The following VWDE variants were observed in gnomAD, a reference collection of about 807,000 sequenced individuals.
The protein encoded by VWDE is von Willebrand factor D and EGF domain-containing protein.
Under a neutral mutation model 178.4 loss-of-function variants are expected in VWDE, and 207 were observed. That is an observed-to-expected ratio of 1.16 (90% CI 1.04 to 1.30). VWDE has a LOEUF of 1.30. VWDE is among the 50% of genes most tolerant of loss of function. The probability of loss-of-function intolerance (pLI) is 0.00; values close to 1 mark genes in which losing one functional copy is unlikely to be tolerated. For synonymous variants in VWDE, 738 were observed against 651.4 expected (o/e 1.13, Z -2.02); for missense variants, 2,287 against 1,901.3 (o/e 1.20, Z -3.77).
At chr7:12,359,493 A>T in intron 16 of VWDE, 85 bp downstream of exon 16, 2 of 874,512 alleles carry the variant, frequency 2.3e-6, no homozygotes, top group Non-Finnish European at 3.6e-6. Context: ...CATTCATCTT[A>T]AACACATTTA....
chr7:12,340,463 T>TA, intron 23 of VWDE, 46 bp from the exon 24 acceptor site: 1 of 1,431,292 alleles, frequency 7.0e-7, no homozygotes, highest in South Asian at 1.3e-5. Flanking sequence ...TTTTATTATT[T>TA]AAAAAATGAA....
intron 17 of VWDE, among the ~76,000 whole-genome samples, chr7:12,356,691 G>C (rs976850180): frequency 6.6e-6 from 1 of 152,130 alleles, no homozygotes; most frequent in Admixed American, 6.5e-5. Context: ...ATGATCTCCC[G>C]AATTACTGGG....
intron 10 of VWDE, among the ~76,000 whole-genome samples, chr7:12,371,254 T>C (rs931283828): frequency 6.6e-6 from 1 of 152,202 alleles, no homozygotes; most frequent in East Asian, 1.9e-4. Context: ...TTTACACAGA[T>C]GAATATAATT....
rs1349554498 is a variant in VWDE at position 12,361,349 on chromosome 7, G to A, written c.3054+17C>T. ...TTACTTTGTTTATAAATATGAAGAT[G>A]TCTTTTTATTTTTTACCTTCAACTG... On this transcript the variant is annotated intron_variant, in intron 14 of 28. Coordinates refer to ENST00000275358, the MANE Select transcript of VWDE (RefSeq NM_001135924.3). 1 of 1,545,408 alleles carries A rather than the reference G, an allele frequency of 6.5e-7. No individual in the cohort carries two copies. The highest frequency in any genetic ancestry group is 1.2e-5 in the South Asian group (1 of 82,792).
At chr7:12,373,341 T>C in intron 9 of VWDE, 94 bp from the exon 10 acceptor site, 1 of 1,294,324 alleles carries the variant, frequency 7.7e-7, no homozygotes, top group South Asian at 1.3e-5. Flanking sequence ...ATCACGATCA[T>C]TTTGTTGTAT....
intron 28 of VWDE, among the ~76,000 whole-genome samples, chr7:12,332,232 AG>A (rs949833859): frequency 1.3e-5 from 2 of 152,254 alleles, no homozygotes; most frequent in African/African-American, 4.8e-5. Context: ...AGCCAGAATG[AG>A]ATTGAAGTTA....
At chr7:12,340,922 T>C (rs1781293997) in intron 23 of VWDE, among the ~76,000 whole-genome samples, 2 of 152,166 alleles carry the variant, frequency 1.3e-5, no homozygotes, top group Admixed American at 1.3e-4. Flanking sequence ...AAAACATTCT[T>C]TGTTTTTGCT....
At chr7:12,356,373 A>G in intron 17 of VWDE, 43 bp from the exon 18 acceptor site, 1 of 1,495,938 alleles carries the variant, frequency 6.7e-7, no homozygotes, top group Non-Finnish European at 9.1e-7. Flanking sequence ...TTTCAATAAA[A>G]TTATCTTCAG....
chr7:12,336,209 C>A lies in VWDE; in HGVS notation c.4586G>T (p.Gly1529Val). Reference sequence around the variant, plus strand: ...TATGCTGGGCGCAATGCATTCACCACCGTTTTTACATTTCTGCAAGCAGAT... The same window carrying A: ...TATGCTGGGCGCAATGCATTCACCAACGTTTTTACATTTCTGCAAGCAGAT... The part of the protein sequence containing the change: ...TPICLQKCKN[G>V]GECIAPSICH... The change falls in exon 27 of 29, where the codon GGT becomes GTT. Residue 1529 changes from glycine to valine, a missense_variant. By Grantham distance (109) the Gly-to-Val change is moderately radical (BLOSUM62 -3). Coordinates refer to ENST00000275358, the MANE Select transcript of VWDE (RefSeq NM_001135924.3). 6.4e-7 allele frequency: 1 copy of A among 1,551,224 alleles called. No individual in the cohort carries two copies.
rs1406206193 is a variant in VWDE at position 12,375,192 on chromosome 7, A to C, written c.1060T>G (p.Ser354Ala). ...GTCTGGAGAAGGTCCACATGACAGGAAGACAGTGCCAAATTTAAGCCTAGG... is the reference window on the plus strand; with the variant it reads ...GTCTGGAGAAGGTCCACATGACAGGCAGACAGTGCCAAATTTAAGCCTAGG... ...EHLGLNLALS[S>A]CHVDLLQTSS... Residue 354 changes from serine to alanine, a missense_variant, in exon 8 of 29, where the codon TCC (serine) becomes GCC (alanine). Ser to Ala is a moderately conservative substitution (Grantham distance 99). Coordinates refer to ENST00000275358, the MANE Select transcript of VWDE (RefSeq NM_001135924.3). The C allele has an allele frequency of 7.1e-6, 11 of 1,551,152 alleles. No individual in the cohort carries two copies. Among genetic ancestry groups the C allele is most frequent in the Non-Finnish European group, 9.6e-6 (11 of 1,146,560 alleles).
intron 4 of VWDE, among the ~76,000 whole-genome samples, chr7:12,381,082 C>G (rs1347885353): frequency 1.3e-5 from 2 of 152,084 alleles, no homozygotes; most frequent in Non-Finnish European, 2.9e-5. Context: ...CATTATAATT[C>G]CTTGTTATAA....
At chr7:12,385,886 A>G (rs1251764111) in intron 3 of VWDE, among the ~76,000 whole-genome samples, 3 of 152,156 alleles carry the variant, frequency 2.0e-5, no homozygotes, top group Non-Finnish European at 4.4e-5. Flanking sequence ...GGTACTTTTG[A>G]GTGTTCTGGG....
chr7:12,375,228 C>G lies in VWDE; in HGVS notation c.1025-1G>C. On this transcript the variant is annotated splice_acceptor_variant, in intron 7 of 28. Coordinates refer to ENST00000275358, the MANE Select transcript of VWDE (RefSeq NM_001135924.3). LOFTEE classifies it high-confidence loss of function. The stretch of plus-strand genomic sequence containing the variant: ...AAATTTAAGCCTAGGTGCTCTCTAC[C>G]TATTTAATGAAAAAATAGGTTTAAA... The G allele has an allele frequency of 6.5e-6, 10 of 1,548,366 alleles. No individual in the cohort carries two copies. Among genetic ancestry groups the G allele is most frequent in the Non-Finnish European group, 8.7e-6 (10 of 1,144,932 alleles).
At chr7:12,384,183 A>T (rs1276833675) in intron 3 of VWDE, among the ~76,000 whole-genome samples, 4 of 152,174 alleles carry the variant, frequency 2.6e-5, no homozygotes, top group African/African-American at 9.6e-5. Context: ...AAAAGAATTG[A>T]GCTATCAAGC....
rs1424963169 is a variant in VWDE, at chr7:12,380,664, G to C, written c.611C>G (p.Ser204Cys). ...AAAAGAACACCTACAGAAAAGCCTG[G>C]ACTCAATCAACTCCACCAGAACCTC... ...RPEVLVELIE[S>C]RLFCRCSFDV... is the part of the protein sequence containing the mutation. Residue 204 changes from serine to cysteine, a missense_variant, in exon 5 of 29, where the codon TCC (serine) becomes TGC (cysteine). Ser to Cys is a moderately radical substitution (Grantham distance 112). Transcript: ENST00000275358. 6 of 1,551,984 alleles carry C rather than the reference G, an allele frequency of 3.9e-6. No homozygotes were observed. The highest frequency in any genetic ancestry group is 4.9e-5 in the East Asian group (2 of 40,922).
intron 19 of VWDE, among the ~76,000 whole-genome samples, chr7:12,348,952 C>G (rs1781768129): frequency 6.6e-6 from 1 of 151,982 alleles, no homozygotes; most frequent in Admixed American, 6.6e-5. Flanking sequence ...TGGAAATCAT[C>G]ATTCTCAGTA....
At chr7:12,374,148 A>G (rs1158009066) in intron 9 of VWDE, among the ~76,000 whole-genome samples, 2 of 152,146 alleles carry the variant, frequency 1.3e-5, no homozygotes, top group Admixed American at 6.6e-5. Flanking sequence ...AAATCTTTCT[A>G]TACAGGTATT....
At chr7:12,366,407 TC>T (rs1265478139) in intron 13 of VWDE, among the ~76,000 whole-genome samples, 2 of 152,128 alleles carry the variant, frequency 1.3e-5, no homozygotes, top group Non-Finnish European at 2.9e-5. Context: ...TCCTGGCACA[TC>T]ACTTAGTTTT....
intron 18 of VWDE, among the ~76,000 whole-genome samples, chr7:12,355,405 A>G (rs1004562514): frequency 7.8e-5 from 9 of 115,776 alleles, no homozygotes; most frequent in African/African-American, 3.3e-4. Flanking sequence ...GACAGAGTGA[A>G]ACTCCGTCTC....
Sources: gnomAD v4.1 joint callset for allele counts (sites outside exome capture counted in the v4.1 genomes callset) on GRCh38, gnomAD v4.1.1 for gene constraint, MANE v1.5 for transcripts, NCBI Gene and HGNC (gene_info 2026-07-23, HGNC 2026-07-21) for gene names.